CDYL: variants seen among roughly 807,000 people sequenced by gnomAD.
The protein encoded by CDYL is chromodomain Y like.
In CDYL, 8 loss-of-function variants were observed where a neutral mutation model predicts 47.3. The observed-to-expected ratio is 0.17, with a 90% CI of 0.10 to 0.31. The LOEUF (loss-of-function observed/expected upper bound fraction) is 0.31. Ranked by LOEUF, CDYL falls within the 10% of genes least tolerant of loss-of-function variation. The pLI, the probability that CDYL is intolerant of heterozygous loss-of-function variation, is 1.00. For missense variants in CDYL, 471 were observed against 701.4 expected, an observed-to-expected ratio of 0.67 and a Z score of 3.71; for synonymous variants, 266 against 265.0, an observed-to-expected ratio of 1.00 and a Z score of -0.04.
At position 4,830,850 on chromosome 6, in the gene CDYL, G is replaced by A. The variant is rs190286354; in HGVS notation, c.24+54043G>A. 5.5e-3 allele frequency among the ~76,000 whole-genome samples: 815 copies of A among 148,974 alleles called. 1 individual carries two copies. The highest frequency in any genetic ancestry group is 0.018 in the Middle Eastern group (5 of 276). ...TTCCCACCTATGAGTGAGAATATGC[G>A]GTGTTTGGTTTTTTGTTCTTGCGAT... On this transcript the variant is annotated intron_variant, in intron 1 of 6. Transcript: ENST00000397588.
intron 3 of CDYL, among the ~76,000 whole-genome samples, chr6:4,745,290 A>G (rs1270817109): frequency 6.6e-6 from 1 of 152,200 alleles, no homozygotes; most frequent in African/African-American, 2.4e-5. Context: ...AATTTGTATT[A>G]TTAAGCCACA....
At chr6:4,925,461 G>T (rs1757842583) in intron 2 of CDYL, among the ~76,000 whole-genome samples, 2 of 141,194 alleles carry the variant, frequency 1.4e-5, no homozygotes, top group South Asian at 2.2e-4. Context: ...GCCCAGGCTG[G>T]AGTGCAGTGG....
intron 2 of CDYL, among the ~76,000 whole-genome samples, chr6:4,722,010 G>A (rs1370621816): frequency 3.3e-5 from 5 of 152,096 alleles, no homozygotes; most frequent in African/African-American, 7.2e-5. Context: ...TTATAGGCAT[G>A]TGCCTGGCTA....
At chr6:4,918,075 T>G (rs1289779722) in intron 2 of CDYL, among the ~76,000 whole-genome samples, 1 of 152,214 alleles carries the variant, frequency 6.6e-6, no homozygotes, top group Admixed American at 6.5e-5. Flanking sequence ...AATTAGATTG[T>G]AATTGATCAG....
At chr6:4,884,104 A>G (rs1201156348) in intron 1 of CDYL, among the ~76,000 whole-genome samples, 1 of 152,254 alleles carries the variant, frequency 6.6e-6, no homozygotes, top group Non-Finnish European at 1.5e-5. Flanking sequence ...ATCTGGAAGC[A>G]TTCATTAATG....
intron 1 of CDYL, among the ~76,000 whole-genome samples, chr6:4,711,462 T>A (rs143915603): frequency 0.012 from 1,820 of 152,252 alleles, 44 homozygotes; most frequent in African/African-American, 0.042. Context: ...TCTCTCTTAG[T>A]CTTATGAACT....
At chr6:4,918,760 C>G (rs7739834) in intron 2 of CDYL, among the ~76,000 whole-genome samples, 1 of 152,104 alleles carries the variant, frequency 6.6e-6, no homozygotes, top group Non-Finnish European at 1.5e-5. Flanking sequence ...TTGTAGGGAT[C>G]GCTTTGAAAC....
At chr6:4,718,233 A>G (rs755528371) in intron 2 of CDYL, among the ~76,000 whole-genome samples, 1 of 151,812 alleles carries the variant, frequency 6.6e-6, no homozygotes, top group Non-Finnish European at 1.5e-5. Flanking sequence ...ATTTTTTCTC[A>G]TTTTTAAGAA....
intron 1 of CDYL, among the ~76,000 whole-genome samples, chr6:4,835,632 G>T (rs1357956050): frequency 6.6e-6 from 1 of 152,218 alleles, no homozygotes; most frequent in African/African-American, 2.4e-5. Flanking sequence ...TAAGTCTGCA[G>T]AGCTTACTGC....
intron 2 of CDYL, among the ~76,000 whole-genome samples, chr6:4,720,755 G>A (rs1757352314): frequency 6.6e-6 from 1 of 152,198 alleles, no homozygotes; most frequent in Admixed American, 6.5e-5. Context: ...TGGCTTCCTG[G>A]AGTGATCAGT....
intron 2 of CDYL, among the ~76,000 whole-genome samples, chr6:4,721,945 C>G (rs1757377927): frequency 6.6e-6 from 1 of 151,832 alleles, no homozygotes; most frequent in African/African-American, 2.4e-5. Context: ...TCACTGCAAG[C>G]TCCACCTCCC....
At chr6:4,874,610 A>G (rs1761569135) in intron 1 of CDYL, among the ~76,000 whole-genome samples, 1 of 152,244 alleles carries the variant, frequency 6.6e-6, no homozygotes, top group African/African-American at 2.4e-5. Context: ...CAGTATGTGC[A>G]CAAATCTTAA....
chr6:4,908,551 C>A (rs1335296884), intron 2 of CDYL, among the ~76,000 whole-genome samples: 1 of 152,164 alleles, frequency 6.6e-6, no homozygotes, highest in Non-Finnish European at 1.5e-5. Flanking sequence ...TCCTCCTGCC[C>A]CCCACAGGCA....
rs142758719 is a variant in CDYL at position 4,857,561 on chromosome 6, C to T, written c.25-34152C>T. 4.1e-3 allele frequency among the ~76,000 whole-genome samples: 631 copies of T among 152,274 alleles called. 1 individual carries two copies. Among genetic ancestry groups the T allele is most frequent in the African/African-American group, 0.014 (593 of 41,556 alleles). The stretch of plus-strand genomic sequence containing the variant: ...GTAGCTTTGTAGGCCTTTGAAGTCC[C>T]TTCAGAACAGGTAGATCGTTGAGGA... On this transcript the variant is annotated intron_variant, in intron 1 of 6. Transcript: ENST00000397588.
At chr6:4,857,278 G>A (rs1761038088) in intron 1 of CDYL, among the ~76,000 whole-genome samples, 2 of 152,128 alleles carry the variant, frequency 1.3e-5, no homozygotes. Flanking sequence ...ATGAAGTTTT[G>A]CATTGAGACA....
intron 1 of CDYL, among the ~76,000 whole-genome samples, chr6:4,780,403 C>A (rs1422711895): frequency 3.1e-4 from 27 of 85,740 alleles, no homozygotes; most frequent in Middle Eastern, 4.2e-3. Flanking sequence ...CCTACGCCCC[C>A]CCCCCCCCGC....
intron 3 of CDYL, among the ~76,000 whole-genome samples, chr6:4,754,730 G>T (rs1758049765): frequency 6.6e-6 from 1 of 152,072 alleles, no homozygotes; most frequent in Admixed American, 6.5e-5. Context: ...CTTCCTATTT[G>T]TTAAATTAAT....
intron 1 of CDYL, among the ~76,000 whole-genome samples, chr6:4,848,167 G>T (rs1297634379): frequency 6.6e-6 from 1 of 152,184 alleles, no homozygotes; most frequent in East Asian, 1.9e-4. Flanking sequence ...TGTGAGCAAT[G>T]TAAGGCAGGG....
intron 1 of CDYL, among the ~76,000 whole-genome samples, chr6:4,851,917 T>C (rs1202309257): frequency 2.6e-5 from 4 of 151,938 alleles, no homozygotes; most frequent in Non-Finnish European, 5.9e-5. Context: ...CCAAAAACAG[T>C]GTGGCATTTT....
Sources: allele counts gnomAD v4.1 joint callset (sites outside exome capture counted in the v4.1 genomes callset), GRCh38; gene constraint gnomAD v4.1.1; transcripts MANE v1.5; gene names NCBI Gene and HGNC (gene_info 2026-07-23, HGNC 2026-07-21).